Variants in CWF19L2 observed in about 807,000 individuals in gnomAD.
CWF19L2 encodes CWF19 like cell cycle control factor 2.
CWF19L2 carries 98 observed loss-of-function variants against 111.7 expected under a neutral mutation model. That is an observed-to-expected ratio of 0.88 (90% confidence interval 0.75 to 1.04). The LOEUF is 1.04. Among genes scored for constraint, CWF19L2 ranks in the 50% least tolerant of loss-of-function variants. The pLI, the probability that CWF19L2 is intolerant of heterozygous loss-of-function variation, is 0.00. For synonymous variants in CWF19L2, 351 were observed against 342.9 expected (o/e 1.02, Z -0.26); for missense variants, 1,101 against 1,051.4 (o/e 1.05, Z -0.65).
intron 9 of CWF19L2, among the ~76,000 whole-genome samples, chr11:107,417,713 C>G (rs938204141): frequency 7.3e-5 from 11 of 151,074 alleles, no homozygotes; most frequent in African/African-American, 2.4e-4. Flanking sequence ...GAAAGTAGAT[C>G]ATTTATTTAG....
At chr11:107,353,844 CATTTAA>C (rs1324533883) in intron 12 of CWF19L2, 108 bp from the exon 13 acceptor site, 7 of 757,258 alleles carry the variant, frequency 9.2e-6, no homozygotes, top group Non-Finnish European at 1.5e-5. Flanking sequence ...AAAACTAATA[CATTTAA>C]AAGAAAAGAA....
chr11:107,447,795 G>A (rs569497328), intron 3 of CWF19L2, among the ~76,000 whole-genome samples: 11 of 152,090 alleles, frequency 7.2e-5, no homozygotes, highest in Non-Finnish European at 1.5e-4. Context: ...GCAAGCAAAT[G>A]TGACCCATAT....
chr11:107,359,013 T>C lies in CWF19L2; in HGVS notation c.1873-5277A>G, dbSNP rs757991399. ...CTTATCTCCCACATGACAGTACTTA[T>C]GTCATTAGCTACTCCTATCATCGTC... On this transcript the variant is annotated intron_variant, in intron 12 of 17. Transcript: ENST00000282251. 7.2e-5 allele frequency among the ~76,000 whole-genome samples: 11 copies of C among 152,170 alleles called. 1 individual carries two copies. The highest frequency in any genetic ancestry group is 6.2e-4 in the South Asian group (3 of 4,826).
intron 3 of CWF19L2, among the ~76,000 whole-genome samples, chr11:107,451,915 TAA>T (rs951377260): frequency 6.6e-6 from 1 of 152,068 alleles, no homozygotes; most frequent in African/African-American, 2.4e-5. Context: ...AAACTAGAAA[TAA>T]AATGTCATTT....
intron 10 of CWF19L2, among the ~76,000 whole-genome samples, chr11:107,406,250 A>G (rs1022915520): frequency 6.6e-6 from 1 of 152,254 alleles, no homozygotes; most frequent in Non-Finnish European, 1.5e-5. Flanking sequence ...TCAGTGGTCT[A>G]CAAACTTCCA....
chr11:107,410,616 T>C (rs188530670), intron 10 of CWF19L2, among the ~76,000 whole-genome samples: 11 of 152,320 alleles, frequency 7.2e-5, no homozygotes, highest in Admixed American at 3.9e-4. Flanking sequence ...TGAAGTCCAC[T>C]GCTCAAAGAT....
In CWF19L2 at chr11:107,456,494, G is replaced by A. The variant is rs146450868; in HGVS notation, c.106-718C>T. ...CACACATTACATATGTTGAAATTACGAAACAATACCAACATTTCACCTACC... is the reference window on the plus strand; with the variant it reads ...CACACATTACATATGTTGAAATTACAAAACAATACCAACATTTCACCTACC... On this transcript the variant is annotated intron_variant, in intron 1 of 17. Transcript: ENST00000282251. 3.3e-5 allele frequency among the ~76,000 whole-genome samples: 5 copies of A among 150,798 alleles called. No individual in the cohort carries two copies. The East Asian group carries it at 9.7e-4, about 29-fold the overall frequency.
rs1030415584 is a variant in CWF19L2, at chr11:107,443,734, T to C, written c.340-685A>G. Among the ~76,000 whole-genome samples the C allele has an allele frequency of 2.0e-5, 3 of 152,324 alleles. No homozygotes were observed. In the South Asian group the frequency reaches 6.2e-4, roughly 32 times the overall value. On this transcript the variant is annotated intron_variant, in intron 3 of 17. Transcript: ENST00000282251. ...ACACCACCCAGGTAAACGAATTTGC[T>C]GTTTGCCCCTAAGTTTCACATTTTG... is the stretch of plus-strand genomic sequence containing the variant.
intron 8 of CWF19L2, among the ~76,000 whole-genome samples, chr11:107,426,150 C>T (rs1448415771): frequency 6.7e-6 from 1 of 149,660 alleles, no homozygotes; most frequent in Non-Finnish European, 1.5e-5. Context: ...TATTACATGA[C>T]AAATATAAAG....
intron 13 of CWF19L2, 31 bp downstream of exon 13, chr11:107,353,493 A>G (rs199938531): frequency 2.3e-5 from 35 of 1,552,682 alleles, no homozygotes; most frequent in Non-Finnish European, 3.0e-5. Flanking sequence ...TTCTATGAGA[A>G]TGTAAGCAAA....
intron 16 of CWF19L2, among the ~76,000 whole-genome samples, chr11:107,332,697 A>C (rs914278145): frequency 1.3e-5 from 2 of 152,204 alleles, no homozygotes; most frequent in African/African-American, 4.8e-5. Context: ...TTTCATGTTC[A>C]AAAATACTTT....
chr11:107,411,081 G>A lies in CWF19L2; in HGVS notation c.1617+5128C>T, dbSNP rs572646002. Among the ~76,000 whole-genome samples, 45 of 77,144 alleles carry A rather than the reference G, an allele frequency of 5.8e-4. No homozygotes were observed. The East Asian group carries it at 9.0e-3, about 15-fold the overall frequency. 50.6% of individuals were successfully genotyped at this position (77,144 alleles called of 152,430 possible). ...ATAAGAGTGTGGTGTGTGTGTGCGC[G>A]CGTGCGTGCACACACACACACACAC... On this transcript the variant is annotated intron_variant, in intron 10 of 17. Coordinates refer to ENST00000282251, the MANE Select transcript of CWF19L2 (RefSeq NM_152434.3).
chr11:107,344,404 A>T (rs1449764818), intron 14 of CWF19L2, among the ~76,000 whole-genome samples: 1 of 152,196 alleles, frequency 6.6e-6, no homozygotes, highest in Non-Finnish European at 1.5e-5. Context: ...CTTCTAGGAC[A>T]GCTCTGCTGA....
intron 14 of CWF19L2, among the ~76,000 whole-genome samples, chr11:107,345,820 C>A (rs570102408): frequency 6.6e-6 from 1 of 152,222 alleles, no homozygotes; most frequent in Admixed American, 6.5e-5. Flanking sequence ...TATGTAACAA[C>A]TAAATAATGG....
intron 12 of CWF19L2, among the ~76,000 whole-genome samples, chr11:107,387,148 G>A (rs575089768): frequency 2.0e-5 from 3 of 151,590 alleles, no homozygotes; most frequent in African/African-American, 7.3e-5. Context: ...CCATGTGACC[G>A]GGCATTTCAT....
intron 6 of CWF19L2, among the ~76,000 whole-genome samples, chr11:107,434,672 C>CAAAAAAAAA (rs71044301): frequency 8.6e-6 from 1 of 115,816 alleles, no homozygotes; most frequent in Non-Finnish European, 1.8e-5. Flanking sequence ...TATTACACAG[C>CAAAAAAAAA]AAAAAAAAAA....
At chr11:107,357,853 A>C (rs1860261287) in intron 12 of CWF19L2, among the ~76,000 whole-genome samples, 1 of 152,224 alleles carries the variant, frequency 6.6e-6, no homozygotes, top group South Asian at 2.1e-4. Flanking sequence ...TAGACTGGTA[A>C]AAGATAGTGG....
chr11:107,394,278 C>T (rs1860890821), intron 10 of CWF19L2, among the ~76,000 whole-genome samples: 1 of 152,048 alleles, frequency 6.6e-6, no homozygotes, highest in Non-Finnish European at 1.5e-5. Context: ...ACTTTTCTTC[C>T]TCAATAAATA....
At chr11:107,361,954 T>C (rs930933056) in intron 12 of CWF19L2, among the ~76,000 whole-genome samples, 1 of 151,958 alleles carries the variant, frequency 6.6e-6, no homozygotes, top group Non-Finnish European at 1.5e-5. Context: ...TGGGCGCAGG[T>C]TAGTGGGTGC....
Sources: allele counts gnomAD v4.1 joint callset (sites outside exome capture counted in the v4.1 genomes callset), GRCh38; gene constraint gnomAD v4.1.1; transcripts MANE v1.5; gene names NCBI Gene and HGNC (gene_info 2026-07-23, HGNC 2026-07-21).